Variants in TMEM154 observed in about 807,000 individuals in gnomAD.
TMEM154 encodes transmembrane protein 154.
Under a neutral mutation model 24.5 loss-of-function variants are expected in TMEM154, and 27 were observed. The observed-to-expected ratio is 1.10, with a 90% CI of 0.81 to 1.52. The LOEUF (loss-of-function observed/expected upper bound fraction) is 1.52. Among genes scored for constraint, TMEM154 ranks in the 40% most tolerant of loss-of-function variants. The probability of loss-of-function intolerance (pLI) is 0.00; values close to 1 mark genes in which losing one functional copy is unlikely to be tolerated. For missense variants in TMEM154, 228 were observed against 213.4 expected (o/e 1.07, Z -0.43); for synonymous variants, 67 against 76.8 (o/e 0.87, Z 0.67).
At chr4:152,652,069 A>G (rs1443735805) in intron 3 of TMEM154, among the ~76,000 whole-genome samples, 1 of 152,220 alleles carries the variant, frequency 6.6e-6, no homozygotes, top group Non-Finnish European at 1.5e-5. Context: ...GCATGGTTTC[A>G]GGCACTCCAA....
intron 1 of TMEM154, among the ~76,000 whole-genome samples, chr4:152,672,282 A>G (rs1473105522): frequency 6.6e-6 from 1 of 152,090 alleles, no homozygotes; most frequent in African/African-American, 2.4e-5. Context: ...GTCATGACCC[A>G]GGACTGGTGT....
At chr4:152,668,085 C>A (rs1379576327) in intron 1 of TMEM154, among the ~76,000 whole-genome samples, 1 of 152,212 alleles carries the variant, frequency 6.6e-6, no homozygotes, top group African/African-American at 2.4e-5. Flanking sequence ...GGCCCCAAGG[C>A]TGTTTCTGGT....
chr4:152,658,129 A>G (rs1369102018), intron 1 of TMEM154, among the ~76,000 whole-genome samples: 2 of 152,226 alleles, frequency 1.3e-5, no homozygotes, highest in Non-Finnish European at 2.9e-5. Flanking sequence ...CAATAATAAG[A>G]AGAACTTTGG....
intron 1 of TMEM154, among the ~76,000 whole-genome samples, chr4:152,677,038 C>G (rs577776941): frequency 2.0e-4 from 31 of 152,188 alleles, no homozygotes; most frequent in Non-Finnish European, 7.3e-5. Flanking sequence ...GACACCCCTG[C>G]CCCACTTTAC....
intron 3 of TMEM154, 33 bp from the exon 4 acceptor site, chr4:152,644,475 C>T: frequency 6.2e-7 from 1 of 1,612,120 alleles, no homozygotes. Flanking sequence ...GTCATGTTAG[C>T]TTTGTTCTTC....
chr4:152,628,591 AACAAAAAAAAC>A (rs752823282), intron 6 of TMEM154, 30 bp from the exon 7 acceptor site: 1 of 633,842 alleles, frequency 1.6e-6, no homozygotes, highest in East Asian at 9.9e-5. Context: ...AAAAAAAAAA[AACAAAAAAAAC>A]ACACACACAC....
intron 6 of TMEM154, among the ~76,000 whole-genome samples, chr4:152,637,460 G>T (rs1239773459): frequency 6.6e-6 from 1 of 152,080 alleles, no homozygotes; most frequent in South Asian, 2.1e-4. Context: ...CAGGAGAACT[G>T]CTTGAACCCA....
chr4:152,639,558 T>G (rs1752214352), intron 6 of TMEM154, among the ~76,000 whole-genome samples: 1 of 151,746 alleles, frequency 6.6e-6, no homozygotes, highest in Non-Finnish European at 1.5e-5. Flanking sequence ...TTCCACCTGC[T>G]TGTTAATCAA....
intron 3 of TMEM154, among the ~76,000 whole-genome samples, chr4:152,649,357 G>C (rs897626438): frequency 2.6e-5 from 4 of 152,228 alleles, no homozygotes. Flanking sequence ...TTTAGACCTA[G>C]AACTACCCTG....
In TMEM154 at chr4:152,652,551, A is replaced by T; in HGVS notation, c.351T>A (p.Ser117Arg). Reference protein sequence around the residue: ...KQEPSSQGSQSALQTYELGSE... With the variant: ...KQEPSSQGSQRALQTYELGSE... ...GATAATACTCACATGTCTGTAAAGC[A>T]CTCTGAGATCCTTGGCTAGAAGGTT... is the stretch of plus-strand genomic sequence containing the variant. Residue 117 changes from serine (S) to arginine (R), a missense_variant, in exon 3 of 7, where the codon AGT becomes AGA. Ser to Arg is a moderately radical substitution (Grantham distance 110). Transcript: ENST00000304385. 1 of 1,613,958 alleles carries T rather than the reference A, an allele frequency of 6.2e-7. No homozygotes were observed. The highest frequency in any genetic ancestry group is 8.5e-7 in the Non-Finnish European group (1 of 1,179,964).
At chr4:152,653,336 T>C (rs1728426079) in intron 1 of TMEM154, among the ~76,000 whole-genome samples, 1 of 152,096 alleles carries the variant, frequency 6.6e-6, no homozygotes, top group Non-Finnish European at 1.5e-5. Context: ...TTACTAAAAT[T>C]AAGTACATGC....
intron 6 of TMEM154, 77 bp from the exon 7 acceptor site, chr4:152,628,638 C>CTTT (rs1201157665): frequency 9.2e-5 from 87 of 945,226 alleles, no homozygotes; most frequent in Middle Eastern, 4.5e-4. Context: ...ATATTTCTTT[C>CTTT]TTTTTTTTTT....
At position 152,624,329 on chromosome 4, in the gene TMEM154, G is replaced by A. The variant is rs1171230313; in HGVS notation, c.*4217C>T. ...GTACAAATAATTCCAGCCAGTTATG[G>A]TGGCTCACACCTGTAATCCCAGGAC... On this transcript the variant is annotated 3_prime_UTR_variant, in exon 7 of 7. Coordinates refer to ENST00000304385, the MANE Select transcript of TMEM154 (RefSeq NM_152680.3). 1.3e-5 allele frequency: 2 copies of A among 152,142 alleles called. No individual in the cohort carries two copies. Among genetic ancestry groups the A allele is most frequent in the Non-Finnish European group, 2.9e-5 (2 of 68,026 alleles). 9.4% of individuals were successfully genotyped at this position (152,142 alleles called of 1,614,324 possible). A position where few individuals can be genotyped will look rare whatever the true frequency, so the allele number is the denominator to read the frequency against.
At chr4:152,675,181 T>C (rs1251613456) in intron 1 of TMEM154, among the ~76,000 whole-genome samples, 1 of 110,424 alleles carries the variant, frequency 9.1e-6, no homozygotes, top group South Asian at 2.9e-4. Flanking sequence ...AAAAAAAGAA[T>C]GTGAGGCAAC....
intron 1 of TMEM154, among the ~76,000 whole-genome samples, chr4:152,678,905 C>T (rs1190543649): frequency 6.6e-6 from 1 of 152,188 alleles, no homozygotes; most frequent in Non-Finnish European, 1.5e-5. Context: ...GGCTGCTGAC[C>T]TCCAGGAAGT....
At chr4:152,632,771 C>T (rs1007167187) in intron 6 of TMEM154, among the ~76,000 whole-genome samples, 8 of 152,010 alleles carry the variant, frequency 5.3e-5, no homozygotes, top group Non-Finnish European at 1.2e-4. Flanking sequence ...AGATAAGAGC[C>T]CTGGGTCAGT....
Position 152,658,477 on chromosome 4 carries a change from C to CA in TMEM154, c.65-5551dup, listed in dbSNP as rs1457019689. Among the ~76,000 whole-genome samples the CA allele has an allele frequency of 2.0e-5, 3 of 151,948 alleles. No individual in the cohort carries two copies. In the South Asian group the frequency reaches 6.2e-4, roughly 32 times the overall value. On this transcript the variant is annotated intron_variant, in intron 1 of 6. Coordinates refer to ENST00000304385, the MANE Select transcript of TMEM154 (RefSeq NM_152680.3). ...AAATGAAATAGAGACTAAAAACAAACAAAAAACAAACAACACTACAATGAA... is the reference window on the plus strand; with the variant it reads ...AAATGAAATAGAGACTAAAAACAAACAAAAAAACAAACAACACTACAATGAA...
rs768843791 is a variant in TMEM154 at position 152,652,743 on chromosome 4, TG to T, written c.248del (p.Pro83HisfsTer2). On this transcript the variant is annotated frameshift_variant, in exon 2 of 7. Transcript: ENST00000304385. LOFTEE classifies it high-confidence loss of function. ...AAAGTAAGAGGACCAATAAAATCAA[TG>T]GGATTAACACCATCAGTATAAACTC... ...QLEFILMVLI[P>X]LILLVLLLLS... The T allele has an allele frequency of 6.2e-7, 1 of 1,614,050 alleles. No individual in the cohort carries two copies. The highest frequency in any genetic ancestry group is 2.2e-5 in the East Asian group (1 of 44,848).
chr4:152,662,407 A>G (rs779337487), intron 1 of TMEM154, among the ~76,000 whole-genome samples: 4 of 152,194 alleles, frequency 2.6e-5, no homozygotes, highest in Non-Finnish European at 5.9e-5. Context: ...GAGTTTGTGC[A>G]AGGAGGAATC....
Sources: gnomAD v4.1 joint callset for allele counts (sites outside exome capture counted in the v4.1 genomes callset) on GRCh38, gnomAD v4.1.1 for gene constraint, MANE v1.5 for transcripts, NCBI Gene and HGNC (gene_info 2026-07-23, HGNC 2026-07-21) for gene names.